ZNF568: variants seen among roughly 807,000 people sequenced by gnomAD.
ZNF568 encodes zinc finger protein 568, also known as p53 inhibitor of SCO2 activation.
A neutral mutation model predicts 18.1 loss-of-function variants in ZNF568; 11 were observed. The ratio of observed to expected loss-of-function variants is 0.61; its 90% CI spans 0.38 to 1.00. ZNF568 has a LOEUF of 1.00. Among genes scored for constraint, ZNF568 ranks in the 50% least tolerant of loss-of-function variants. The probability of loss-of-function intolerance (pLI) is 0.01; values close to 1 mark genes in which losing one functional copy is unlikely to be tolerated. For synonymous variants in ZNF568, 213 were observed against 246.6 expected, an observed-to-expected ratio of 0.86 and a Z score of 1.28; for missense variants, 639 against 768.2, an observed-to-expected ratio of 0.83 and a Z score of 1.99.
chr19:36,953,534 AC>A (rs1263490279), downstream of ZNF568, among the ~76,000 whole-genome samples: 2 of 152,256 alleles, frequency 1.3e-5, no homozygotes, highest in East Asian at 3.9e-4. Flanking sequence ...ACATGAACCA[AC>A]CCTTACAGAG....
At chr19:36,943,519 T>G (rs968098979) in intron 6 of ZNF568, among the ~76,000 whole-genome samples, 5 of 152,084 alleles carry the variant, frequency 3.3e-5, no homozygotes, top group African/African-American at 1.2e-4. Flanking sequence ...CATTATAAAT[T>G]TATGTAATTT....
intron 6 of ZNF568, among the ~76,000 whole-genome samples, chr19:36,962,059 G>A (rs2074155122): frequency 6.7e-6 from 1 of 149,224 alleles, no homozygotes; most frequent in African/African-American, 2.5e-5. Flanking sequence ...TCCCCTCTCT[G>A]GCTCCAAAGT....
At chr19:36,933,706 C>CGT (rs151286450) in intron 4 of ZNF568, among the ~76,000 whole-genome samples, 2,062 of 149,886 alleles carry the variant, frequency 0.014, 59 homozygotes, top group African/African-American at 0.048. Flanking sequence ...GGGGGTGGTG[C>CGT]GTGTGTGTGT....
rs918019351 is a variant in ZNF568, at chr19:36,949,428, C to A, written c.359-84C>A. The A allele has an allele frequency of 8.8e-6, 12 of 1,367,310 alleles. No homozygotes were observed. In the African/African-American group the frequency reaches 1.6e-4, roughly 18 times the overall value. 84.7% of individuals were successfully genotyped at this position (1,367,310 alleles called of 1,614,324 possible). A position where few individuals can be genotyped will look rare whatever the true frequency, so the allele number is the denominator to read the frequency against. On this transcript the variant is annotated intron_variant, in intron 6 of 6. Transcript: ENST00000333987. ...CTAGGCCAACATCAAAGATTAAACC[C>A]CACATTAGCCTATTTCTGATATGTT...
Position 36,950,948 on chromosome 19 carries a change from T to C in ZNF568, c.1795T>C (p.Ser599Pro), listed in dbSNP as rs1209075518. ...NKCGKAFSQC[S>P]LLIIHMRSHT... ...ATGTGGGAAAGCCTTTTCTCAGTGC[T>C]CATTACTTATTATACATATGAGAAG... Residue 599 changes from serine (S) to proline (P), a missense_variant, in exon 7 of 7, where the codon TCA (serine) becomes CCA (proline). Coordinates refer to ENST00000333987, the MANE Select transcript of ZNF568 (RefSeq NM_198539.4). The C allele has an allele frequency of 1.9e-6, 3 of 1,613,678 alleles. No individual in the cohort carries two copies. Among genetic ancestry groups the C allele is most frequent in the African/African-American group, 1.3e-5 (1 of 74,906 alleles).
chr19:36,980,122 A>C (rs559702875), downstream of ZNF568: 5 of 151,970 alleles, frequency 3.3e-5, no homozygotes, highest in Admixed American at 2.6e-4. Flanking sequence ...CATTTCTTAA[A>C]TATTGTGGAT....
intron 4 of ZNF568, among the ~76,000 whole-genome samples, chr19:36,994,987 T>C (rs1753501795): frequency 6.6e-6 from 1 of 152,102 alleles, no homozygotes; most frequent in Admixed American, 6.6e-5. Context: ...AATTTTTGTC[T>C]TAAAGTTTAT....
chr19:36,986,629 C>A (rs527238810), intron 2 of ZNF568, among the ~76,000 whole-genome samples: 1 of 151,996 alleles, frequency 6.6e-6, no homozygotes, highest in Non-Finnish European at 1.5e-5. Context: ...TTCTTTTTTT[C>A]CCCCCTCCGT....
At chr19:36,918,507 G>A (rs1225444098) in intron 2 of ZNF568, among the ~76,000 whole-genome samples, 1 of 152,134 alleles carries the variant, frequency 6.6e-6, no homozygotes, top group Non-Finnish European at 1.5e-5. Context: ...TACGTGTTCA[G>A]TACAGACACA....
intron 4 of ZNF568, among the ~76,000 whole-genome samples, chr19:36,995,848 T>C (rs1298966087): frequency 6.6e-6 from 1 of 152,252 alleles, no homozygotes; most frequent in Non-Finnish European, 1.5e-5. Context: ...CTCTTCTTTG[T>C]ACTATTATTG....
chr19:36,942,305 A>G (rs984318832), intron 6 of ZNF568, among the ~76,000 whole-genome samples: 1 of 151,796 alleles, frequency 6.6e-6, no homozygotes, highest in Non-Finnish European at 1.5e-5. Flanking sequence ...ACATAAGAAT[A>G]GAGAGATAAA....
downstream of ZNF568, chr19:36,997,489 T>C: frequency 6.3e-7 from 1 of 1,587,990 alleles, no homozygotes; most frequent in Non-Finnish European, 8.5e-7. Context: ...TGGGAAGGCT[T>C]TCATTCGAAG....
At position 36,949,657 on chromosome 19, in the gene ZNF568, T is replaced by C. The variant is rs1302173039; in HGVS notation, c.504T>C (p.Ile168=). The change falls in exon 7 of 7, where the codon ATT becomes ATC. Residue 168 remains isoleucine, a synonymous_variant. Coordinates refer to ENST00000333987, the MANE Select transcript of ZNF568 (RefSeq NM_198539.4). ...VAKIFPLSSD[I]VTSRQSFYDC... Reference sequence around the variant, plus strand: ...AAATATTTCCTCTGAGTTCAGACATTGTTACTTCAAGACAAAGCTTCTATG... The same window carrying C: ...AAATATTTCCTCTGAGTTCAGACATCGTTACTTCAAGACAAAGCTTCTATG... 3 of 1,613,828 alleles carry C rather than the reference T, an allele frequency of 1.9e-6. No homozygotes were observed. Among genetic ancestry groups the C allele is most frequent in the Middle Eastern group, 1.7e-4 (1 of 6,058 alleles).
downstream of ZNF568, among the ~76,000 whole-genome samples, chr19:36,953,250 G>T (rs2146316394): frequency 6.6e-6 from 1 of 152,110 alleles, no homozygotes; most frequent in South Asian, 2.1e-4. Context: ...TGCAATATTT[G>T]TTTTCTTGCC....
intron 6 of ZNF568, among the ~76,000 whole-genome samples, chr19:36,968,297 A>T (rs1232170165): frequency 6.6e-6 from 1 of 152,128 alleles, no homozygotes; most frequent in Non-Finnish European, 1.5e-5. Context: ...CATATGGGCC[A>T]GGTGCAGTGG....
chr19:36,959,554 TTTA>T (rs2074132447), intron 6 of ZNF568, among the ~76,000 whole-genome samples: 2 of 152,202 alleles, frequency 1.3e-5, no homozygotes, highest in South Asian at 4.1e-4. Context: ...TCTCTCCTCT[TTTA>T]TTTTTTGAAA....
At chr19:36,930,269 G>A (rs958098078) in intron 4 of ZNF568, among the ~76,000 whole-genome samples, 5 of 149,798 alleles carry the variant, frequency 3.3e-5, no homozygotes, top group Non-Finnish European at 7.4e-5. Flanking sequence ...GAGTGCAATG[G>A]CACAATCTTG....
chr19:36,974,742 G>A (rs1482663880), intron 7 of ZNF568, among the ~76,000 whole-genome samples: 4 of 151,834 alleles, frequency 2.6e-5, no homozygotes, highest in Non-Finnish European at 5.9e-5. Context: ...CAGGGAAATT[G>A]AACAACAGAA....
intron 4 of ZNF568, among the ~76,000 whole-genome samples, chr19:36,928,145 T>C (rs960354940): frequency 6.6e-6 from 1 of 151,124 alleles, no homozygotes; most frequent in Non-Finnish European, 1.5e-5. Flanking sequence ...CAAGTGATTC[T>C]GACCTCAAGT....
Sources: gnomAD v4.1 joint callset for allele counts (sites outside exome capture counted in the v4.1 genomes callset) on GRCh38, gnomAD v4.1.1 for gene constraint, MANE v1.5 for transcripts, NCBI Gene and HGNC (gene_info 2026-07-23, HGNC 2026-07-21) for gene names.